Variants in ZBTB20 observed in about 807,000 individuals in gnomAD.
ZBTB20 encodes zinc finger and BTB domain containing 20.
Under a neutral mutation model 56.9 loss-of-function variants are expected in ZBTB20, and 9 were observed. That is an observed-to-expected ratio of 0.16 (90% confidence interval 0.10 to 0.28). The LOEUF is 0.28. Ranked by LOEUF, ZBTB20 falls within the 10% of genes least tolerant of loss-of-function variation. ZBTB20 has a pLI of 1.00. For missense variants in ZBTB20, 655 were observed against 1,003.0 expected, an observed-to-expected ratio of 0.65 and a Z score of 4.69; for synonymous variants, 417 against 420.7, an observed-to-expected ratio of 0.99 and a Z score of 0.11.
chr3:114,412,061 G>A (rs147742470), intron 7 of ZBTB20, among the ~76,000 whole-genome samples: 2,061 of 152,230 alleles, frequency 0.014, 21 homozygotes, highest in Non-Finnish European at 0.022. Context: ...CAAGTATAAT[G>A]CAGTACATTC....
At chr3:115,141,563 A>C (rs1409544171) in intron 1 of ZBTB20, among the ~76,000 whole-genome samples, 1 of 152,162 alleles carries the variant, frequency 6.6e-6, no homozygotes, top group Non-Finnish European at 1.5e-5. Flanking sequence ...CCTCATCTGG[A>C]CCTTGAATAG....
chr3:114,869,793 T>C lies in ZBTB20; in HGVS notation c.-417+30511A>G, dbSNP rs1388339558. ...AATCTTTGTGTAGCCATATGCTTAA[T>C]GTTACATAACCCACTTGGAATTCCT... On this transcript the variant is annotated intron_variant, in intron 4 of 11. Coordinates refer to ENST00000675478, the MANE Select transcript of ZBTB20 (RefSeq NM_001348800.3). Among the ~76,000 whole-genome samples the C allele has an allele frequency of 1.8e-4, 27 of 152,344 alleles. No homozygotes were observed. In the East Asian group the frequency reaches 5.2e-3, roughly 29 times the overall value.
chr3:115,131,115 A>G (rs894687852), intron 1 of ZBTB20, among the ~76,000 whole-genome samples: 2 of 152,176 alleles, frequency 1.3e-5, no homozygotes, highest in African/African-American at 4.8e-5. Flanking sequence ...AATAAAATAC[A>G]TAAGTGGGGT....
intron 7 of ZBTB20, among the ~76,000 whole-genome samples, chr3:114,403,505 A>G (rs1194331612): frequency 2.0e-5 from 3 of 152,046 alleles, no homozygotes; most frequent in Admixed American, 6.6e-5. Flanking sequence ...ATATGCTCCA[A>G]CAAATATCTG....
chr3:114,561,030 T>C (rs1462980655), intron 6 of ZBTB20, among the ~76,000 whole-genome samples: 4 of 152,238 alleles, frequency 2.6e-5, no homozygotes, highest in Admixed American at 1.3e-4. Context: ...CAGGAGTAGA[T>C]TCCATCTCAA....
chr3:114,519,670 C>G (rs1010580997), intron 6 of ZBTB20: 8 of 152,146 alleles, frequency 5.3e-5, no homozygotes, highest in African/African-American at 1.7e-4. Context: ...TACACTAAGA[C>G]TGCAGCATTG....
At chr3:114,364,220 G>A (rs2082164372) in intron 10 of ZBTB20, among the ~76,000 whole-genome samples, 1 of 152,174 alleles carries the variant, frequency 6.6e-6, no homozygotes, top group South Asian at 2.1e-4. Context: ...GGGAGGCTGA[G>A]GTAGGTGGAT....
At position 115,100,963 on chromosome 3, in the gene ZBTB20, C is replaced by T. The variant is rs143433764; in HGVS notation, c.-702-29549G>A. Reference sequence around the variant, plus strand: ...AGAAATCATTGCTCAGTTAATAAATCGAGACCATATACAAAATTGCAGACT... The same window carrying T: ...AGAAATCATTGCTCAGTTAATAAATTGAGACCATATACAAAATTGCAGACT... On this transcript the variant is annotated intron_variant, in intron 1 of 11. Coordinates refer to ENST00000675478, the MANE Select transcript of ZBTB20 (RefSeq NM_001348800.3). Among the ~76,000 whole-genome samples the T allele has an allele frequency of 8.9e-3, 1,355 of 152,260 alleles. 21 individuals carry two copies. The highest frequency in any genetic ancestry group is 0.021 in the South Asian group (100 of 4,832).
At position 114,401,083 on chromosome 3, in the gene ZBTB20, G is replaced by GACACACACACACACACACACACAC. The variant is rs201829025; in HGVS notation, c.-254-12002_-254-11979dup. On this transcript the variant is annotated intron_variant, in intron 7 of 11. Coordinates refer to ENST00000675478, the MANE Select transcript of ZBTB20 (RefSeq NM_001348800.3). ...AGGTAGGGAATCTGTCTACCTCCCA[G>GACACACACACACACACACACACAC]ACACACACACACACACACACACACA... Among the ~76,000 whole-genome samples the GACACACACACACACACACACACAC allele has an allele frequency of 1.4e-3, 183 of 133,088 alleles. 5 individuals are homozygous for GACACACACACACACACACACACAC. Among genetic ancestry groups the GACACACACACACACACACACACAC allele is most frequent in the African/African-American group, 3.8e-3 (123 of 32,712 alleles). The allele number at this position is 133,088 out of a possible 152,430, so 87.3% of individuals were successfully genotyped here.
intron 2 of ZBTB20, among the ~76,000 whole-genome samples, chr3:114,993,159 C>T (rs1576511573): frequency 6.6e-6 from 1 of 151,838 alleles, no homozygotes; most frequent in Non-Finnish European, 1.5e-5. Flanking sequence ...TGTTTATACT[C>T]TCATGAGGAA....
rs562103951 is a variant in ZBTB20 at position 114,940,967 on chromosome 3, G to A, written c.-456+33399C>T. On this transcript the variant is annotated intron_variant, in intron 3 of 11. Coordinates refer to ENST00000675478, the MANE Select transcript of ZBTB20 (RefSeq NM_001348800.3). ...CTGATGAAGGAATTAATCCAAGCCC[G>A]TTACCAGATTGATCTCCTAAAATCC... Among the ~76,000 whole-genome samples, 16 of 146,068 alleles carry A rather than the reference G, an allele frequency of 1.1e-4. No homozygotes were observed. In the South Asian group the frequency reaches 3.2e-3, roughly 29 times the overall value.
At chr3:114,968,159 T>C (rs115062629) in intron 3 of ZBTB20, among the ~76,000 whole-genome samples, 2 of 152,148 alleles carry the variant, frequency 1.3e-5, no homozygotes, top group East Asian at 3.8e-4. Context: ...TAGATACATA[T>C]GCATTTACAT....
In ZBTB20 at chr3:114,783,957, C is replaced by T. The variant is rs549093029; in HGVS notation, c.-343+17144G>A. 1.3e-5 allele frequency among the ~76,000 whole-genome samples: 2 copies of T among 152,040 alleles called. 1 individual carries two copies. Among genetic ancestry groups the T allele is most frequent in the South Asian group, 4.2e-4 (2 of 4,810 alleles). On this transcript the variant is annotated intron_variant, in intron 5 of 11. Coordinates refer to ENST00000675478, the MANE Select transcript of ZBTB20 (RefSeq NM_001348800.3). ...AACCACATAGGAGTCACAGTGGAAA[C>T]AATTATAGGCAATACCAATTCTTAT... is the stretch of plus-strand genomic sequence containing the variant.
chr3:114,891,295 AT>A (rs1034388266), intron 4 of ZBTB20, among the ~76,000 whole-genome samples: 1 of 152,196 alleles, frequency 6.6e-6, no homozygotes, highest in Admixed American at 6.5e-5. Flanking sequence ...CTTAAAAAAA[AT>A]GTTTGTAGCA....
At chr3:115,012,602 C>G (rs2108267575) in intron 2 of ZBTB20, among the ~76,000 whole-genome samples, 1 of 151,680 alleles carries the variant, frequency 6.6e-6, no homozygotes, top group East Asian at 2.0e-4. Context: ...AGAGATAGAC[C>G]CCAATACTAT....
chr3:114,934,551 C>G (rs892520151), intron 3 of ZBTB20, among the ~76,000 whole-genome samples: 2 of 152,134 alleles, frequency 1.3e-5, no homozygotes, highest in Non-Finnish European at 2.9e-5. Flanking sequence ...TTAATCATCT[C>G]TTTTCCTTAA....
intron 7 of ZBTB20, among the ~76,000 whole-genome samples, chr3:114,456,968 T>C (rs2092057238): frequency 1.3e-5 from 2 of 152,210 alleles, no homozygotes; most frequent in Non-Finnish European, 2.9e-5. Flanking sequence ...GCCAGAGTAA[T>C]TTAGTTTATT....
chr3:114,898,799 C>T (rs1217039632), intron 4 of ZBTB20, among the ~76,000 whole-genome samples: 1 of 151,998 alleles, frequency 6.6e-6, no homozygotes, highest in Non-Finnish European at 1.5e-5. Context: ...ACTCTAAGAC[C>T]AGATTTATGT....
intron 3 of ZBTB20, among the ~76,000 whole-genome samples, chr3:114,914,277 T>C (rs912267639): frequency 6.6e-6 from 1 of 152,010 alleles, no homozygotes; most frequent in Non-Finnish European, 1.5e-5. Context: ...ATAGTTTTTA[T>C]TGTAGAGATC....
Sources: gnomAD v4.1 joint callset for allele counts (sites outside exome capture counted in the v4.1 genomes callset) on GRCh38, gnomAD v4.1.1 for gene constraint, MANE v1.5 for transcripts, NCBI Gene and HGNC (gene_info 2026-07-23, HGNC 2026-07-21) for gene names.